Variants in ANKRD12 observed in about 807,000 individuals in gnomAD.
ANKRD12 encodes ankyrin repeat domain 12, also known as ankyrin repeat domain-containing protein 12.
A neutral mutation model predicts 183.4 loss-of-function variants in ANKRD12; 85 were observed. The observed-to-expected ratio is 0.46, with a 90% CI of 0.39 to 0.56. ANKRD12 has a LOEUF of 0.56. ANKRD12 is among the 20% of genes least tolerant of loss of function. The pLI, the probability that ANKRD12 is intolerant of heterozygous loss-of-function variation, is 0.00. For missense variants in ANKRD12, 2,405 were observed against 2,357.1 expected, an observed-to-expected ratio of 1.02 and a Z score of -0.42; for synonymous variants, 914 against 800.2, an observed-to-expected ratio of 1.14 and a Z score of -2.40.
rs1319947045 is a variant in ANKRD12, at chr18:9,225,405, C to T, written c.943+3406C>T. On this transcript the variant is annotated intron_variant, in intron 8 of 12. Coordinates refer to ENST00000262126, the MANE Select transcript of ANKRD12 (RefSeq NM_015208.5). ...GGGAGAATGTCTTGAGCCCAGGAGGCGGAGGTTGCAAGGAGCTGAGGTCGT... is the reference window on the plus strand; with the variant it reads ...GGGAGAATGTCTTGAGCCCAGGAGGTGGAGGTTGCAAGGAGCTGAGGTCGT... 3.4e-4 allele frequency among the ~76,000 whole-genome samples: 29 copies of T among 84,376 alleles called. 9 individuals are homozygous for T. Among genetic ancestry groups the T allele is most frequent in the African/African-American group, 5.9e-4 (17 of 28,690 alleles). 55.4% of individuals were successfully genotyped at this position (84,376 alleles called of 152,430 possible).
At chr18:9,239,453 A>G in intron 8 of ANKRD12, 1 of 1,133,242 alleles carries the variant, frequency 8.8e-7, no homozygotes, top group Non-Finnish European at 1.2e-6. Flanking sequence ...TCATGTGTTC[A>G]TCAGCTATGT....
intron 1 of ANKRD12, among the ~76,000 whole-genome samples, chr18:9,145,178 A>G (rs1026922027): frequency 6.6e-6 from 1 of 152,196 alleles, no homozygotes; most frequent in Admixed American, 6.5e-5. Flanking sequence ...GCTGGAGTGC[A>G]GTGGTGTCAT....
intron 1 of ANKRD12, among the ~76,000 whole-genome samples, chr18:9,173,573 G>A (rs2032952211): frequency 3.7e-5 from 5 of 136,422 alleles, no homozygotes; most frequent in African/African-American, 1.1e-4. Flanking sequence ...AGCTAAGATG[G>A]CAGTCTGCTC....
intron 9 of ANKRD12, chr18:9,259,917 T>C (rs893696181): frequency 6.6e-6 from 1 of 152,142 alleles, no homozygotes; most frequent in African/African-American, 2.4e-5. Context: ...CATTAAAACT[T>C]TAGAACACTA....
chr18:9,226,807 A>G (rs1020560093), intron 8 of ANKRD12, among the ~76,000 whole-genome samples: 3 of 152,208 alleles, frequency 2.0e-5, no homozygotes, highest in Non-Finnish European at 4.4e-5. Flanking sequence ...ATGCATCATC[A>G]TGAGAAATGC....
intron 1 of ANKRD12, among the ~76,000 whole-genome samples, chr18:9,152,080 A>T (rs2078702719): frequency 6.6e-6 from 1 of 152,200 alleles, no homozygotes; most frequent in Non-Finnish European, 1.5e-5. Flanking sequence ...GAAAAAAATA[A>T]TTTGGACTTT....
chr18:9,174,568 T>C (rs914708903), intron 1 of ANKRD12, among the ~76,000 whole-genome samples: 3 of 152,182 alleles, frequency 2.0e-5, no homozygotes, highest in African/African-American at 7.2e-5. Flanking sequence ...TGAGTGGGGT[T>C]ACACAATCAC....
intron 8 of ANKRD12, among the ~76,000 whole-genome samples, chr18:9,222,880 T>C (rs1259399267): frequency 6.6e-6 from 1 of 152,210 alleles, no homozygotes; most frequent in African/African-American, 2.4e-5. Flanking sequence ...ATTGTAAATA[T>C]ACTCCAACTG....
intron 1 of ANKRD12, among the ~76,000 whole-genome samples, chr18:9,161,078 A>G (rs1029434948): frequency 3.9e-5 from 6 of 151,906 alleles, no homozygotes; most frequent in South Asian, 2.1e-4. Flanking sequence ...GGCTCAAGCA[A>G]TCCTCTTGCC....
chr18:9,177,839 T>C (rs2033396479), intron 1 of ANKRD12, among the ~76,000 whole-genome samples: 1 of 152,202 alleles, frequency 6.6e-6, no homozygotes, highest in African/African-American at 2.4e-5. Flanking sequence ...CATTATTAAT[T>C]TTCCTGGTGA....
intron 11 of ANKRD12, among the ~76,000 whole-genome samples, chr18:9,278,289 G>GA (rs1247292952): frequency 6.6e-6 from 1 of 152,154 alleles, no homozygotes; most frequent in African/African-American, 2.4e-5. Context: ...GAACTAAAGG[G>GA]AAAAAAGTCT....
Position 9,285,579 on chromosome 18 carries a change from CA to C in ANKRD12, c.*4454del, listed in dbSNP as rs1247707764. The C allele has an allele frequency of 2.0e-5, 3 of 151,990 alleles. No individual in the cohort carries two copies. Among genetic ancestry groups the C allele is most frequent in the Non-Finnish European group, 4.4e-5 (3 of 67,996 alleles). 9.4% of individuals were successfully genotyped at this position (151,990 alleles called of 1,614,324 possible). Reference sequence around the variant, plus strand: ...ATAGTCTGTATTCAATAAAATTACCCAGATCTTAACTAGGCAGTTTGATAAA... The same window carrying C: ...ATAGTCTGTATTCAATAAAATTACCCGATCTTAACTAGGCAGTTTGATAAA... On this transcript the variant is annotated 3_prime_UTR_variant, in exon 13 of 13. Coordinates refer to ENST00000262126, the MANE Select transcript of ANKRD12 (RefSeq NM_015208.5).
chr18:9,176,157 A>G (rs2033248595), intron 1 of ANKRD12, among the ~76,000 whole-genome samples: 1 of 152,244 alleles, frequency 6.6e-6, no homozygotes, highest in South Asian at 2.1e-4. Context: ...GACATTGATT[A>G]TCTGTGAGGA....
intron 8 of ANKRD12, chr18:9,250,242 G>A (rs952266470): frequency 6.6e-6 from 1 of 152,184 alleles, no homozygotes; most frequent in African/African-American, 2.4e-5. Context: ...GGAGATGATG[G>A]TCCAGATTTT....
chr18:9,245,952 C>T (rs2037937426), intron 8 of ANKRD12, among the ~76,000 whole-genome samples: 1 of 151,862 alleles, frequency 6.6e-6, no homozygotes, highest in African/African-American at 2.4e-5. Flanking sequence ...ATTTTGGAGT[C>T]AGAGAAACTT....
chr18:9,205,146 G>A (rs1274502427), intron 4 of ANKRD12, among the ~76,000 whole-genome samples: 2 of 152,170 alleles, frequency 1.3e-5, no homozygotes, highest in African/African-American at 4.8e-5. Context: ...GTTATTTTAT[G>A]TTAATGGTCA....
chr18:9,266,130 C>G (rs1430396270), intron 10 of ANKRD12, among the ~76,000 whole-genome samples: 1 of 152,206 alleles, frequency 6.6e-6, no homozygotes, highest in Non-Finnish European at 1.5e-5. Flanking sequence ...AAGACCAAAT[C>G]TACGTCTGAT....
At chr18:9,152,953 C>T (rs964402315) in intron 1 of ANKRD12, among the ~76,000 whole-genome samples, 1 of 152,024 alleles carries the variant, frequency 6.6e-6, no homozygotes, top group African/African-American at 2.4e-5. Flanking sequence ...AGATTATAAA[C>T]TCACTCTTAC....
chr18:9,215,517 G>A (rs1406124443), intron 6 of ANKRD12, among the ~76,000 whole-genome samples: 1 of 152,052 alleles, frequency 6.6e-6, no homozygotes, highest in Admixed American at 6.6e-5. Context: ...TTAAAGTGGT[G>A]TACAAACATG....
Sources: gnomAD v4.1 joint callset for allele counts (sites outside exome capture counted in the v4.1 genomes callset) on GRCh38, gnomAD v4.1.1 for gene constraint, MANE v1.5 for transcripts, NCBI Gene and HGNC (gene_info 2026-07-23, HGNC 2026-07-21) for gene names.